The following ACAN variants were observed in gnomAD, a reference collection of about 807,000 sequenced individuals.
ACAN encodes aggrecan.
A neutral mutation model predicts 169.1 loss-of-function variants in ACAN; 47 were observed. That is an observed-to-expected ratio of 0.28 (90% CI 0.22 to 0.35). ACAN has a LOEUF of 0.35. ACAN is among the 10% of genes least tolerant of loss of function. The probability of loss-of-function intolerance (pLI) is 1.00; values close to 1 mark genes in which losing one functional copy is unlikely to be tolerated. For synonymous variants in ACAN, 1,115 were observed against 1,112.2 expected, an observed-to-expected ratio of 1.00 and a Z score of -0.05; for missense variants, 2,716 against 2,759.9, an observed-to-expected ratio of 0.98 and a Z score of 0.36.
intron 1 of ACAN, among the ~76,000 whole-genome samples, chr15:88,806,744 C>G (rs1191277880): frequency 6.6e-6 from 1 of 152,146 alleles, no homozygotes; most frequent in Non-Finnish European, 1.5e-5. Flanking sequence ...CCAAAGGAAG[C>G]CCATGAGACC....
chr15:88,808,146 C>T (rs543740136), intron 1 of ACAN, among the ~76,000 whole-genome samples: 18 of 152,278 alleles, frequency 1.2e-4, no homozygotes, highest in African/African-American at 3.8e-4. Context: ...GGGAGACAGC[C>T]TCCCTCAGCT....
intron 13 of ACAN, among the ~76,000 whole-genome samples, chr15:88,860,891 C>G (rs1897181405): frequency 1.3e-5 from 2 of 152,088 alleles, no homozygotes; most frequent in African/African-American, 4.8e-5. Flanking sequence ...GGGTTTGGGT[C>G]CCCTTCTTGC....
At chr15:88,831,235 G>A (rs1896354653) in intron 1 of ACAN, among the ~76,000 whole-genome samples, 1 of 152,246 alleles carries the variant, frequency 6.6e-6, no homozygotes, top group Non-Finnish European at 1.5e-5. Context: ...CTGGGAAGGG[G>A]TGACCCTGAT....
rs1369002995 is a variant in ACAN, at chr15:88,807,359, G to T, written c.-8+3550G>T. ...TTCCTCTCCTGCTGTCAACGGCCTGGCCTCGTGGCCATGCTTCGTGTCCTG... is the reference window on the plus strand; with the variant it reads ...TTCCTCTCCTGCTGTCAACGGCCTGTCCTCGTGGCCATGCTTCGTGTCCTG... On this transcript the variant is annotated intron_variant, in intron 1 of 18. Coordinates refer to ENST00000560601, the MANE Select transcript of ACAN (RefSeq NM_001369268.1). The surrounding 1 kb of genome is among the most constrained non-coding windows in gnomAD (Gnocchi z 4.0). Among the ~76,000 whole-genome samples the T allele has an allele frequency of 2.0e-5, 3 of 152,212 alleles. No individual in the cohort carries two copies. Among genetic ancestry groups the T allele is most frequent in the Non-Finnish European group, 4.4e-5 (3 of 68,032 alleles).
intron 1 of ACAN, among the ~76,000 whole-genome samples, chr15:88,806,090 G>C (rs1395028734): frequency 2.6e-5 from 4 of 152,212 alleles, no homozygotes; most frequent in African/African-American, 7.2e-5. Context: ...ACATGGCTTT[G>C]ATAAGGGTAC....
intron 11 of ACAN, among the ~76,000 whole-genome samples, chr15:88,853,828 G>T (rs922669320): frequency 4.8e-5 from 7 of 144,846 alleles, no homozygotes; most frequent in African/African-American, 1.8e-4. Context: ...AATCTTTTTC[G>T]GGTCCTGCCC....
chr15:88,840,081 G>A lies in ACAN; in HGVS notation c.524G>A (p.Cys175Tyr). ...TLDFDRAQRA[C>Y]LQNSAIIATP... ...GACTTTGACAGGGCGCAGCGGGCCT[G>A]CCTGCAGAACAGTGCCATCATTGCC... is the stretch of plus-strand genomic sequence containing the variant. The change falls in exon 4 of 19, where the codon TGC becomes TAC. Residue 175 changes from cysteine (C) to tyrosine (Y), a missense_variant. By Grantham distance (194) the Cys-to-Tyr change is radical. Transcript: ENST00000560601. 1.2e-6 allele frequency: 2 copies of A among 1,603,750 alleles called. No individual in the cohort carries two copies. The highest frequency in any genetic ancestry group is 1.3e-5 in the African/African-American group (1 of 74,908).
At chr15:88,841,687 T>C in intron 4 of ACAN, 53 bp from the exon 5 acceptor site, 1 of 1,609,266 alleles carries the variant, frequency 6.2e-7, no homozygotes, top group Non-Finnish European at 8.5e-7. Context: ...GCAGAGGCCA[T>C]GGGCTTCCCT....
At position 88,855,124 on chromosome 15, in the gene ACAN, C is replaced by A. The variant is rs372267862; in HGVS notation, c.2539C>A (p.Pro847Thr). ...ASEEPYTPSPPVPSWTELPSS... is the reference protein window; with the variant it reads ...ASEEPYTPSPTVPSWTELPSS... ...GGAAGAGCCGTATACACCTTCACCCCCCGTGCCCAGCTGGACTGAGCTGCC... is the reference window on the plus strand; with the variant it reads ...GGAAGAGCCGTATACACCTTCACCCACCGTGCCCAGCTGGACTGAGCTGCC... The change falls in exon 12 of 19, where the codon CCC becomes ACC. Residue 847 changes from proline (P) to threonine (T), a missense_variant. Pro to Thr is a conservative substitution (Grantham distance 38). Coordinates refer to ENST00000560601, the MANE Select transcript of ACAN (RefSeq NM_001369268.1). 6 of 1,607,414 alleles carry A rather than the reference C, an allele frequency of 3.7e-6. No individual in the cohort carries two copies. The highest frequency in any genetic ancestry group is 1.1e-5 in the South Asian group (1 of 90,074).
intron 1 of ACAN, among the ~76,000 whole-genome samples, chr15:88,834,433 C>G (rs1433192075): frequency 6.6e-6 from 1 of 152,224 alleles, no homozygotes; most frequent in East Asian, 1.9e-4. Context: ...CCTCCTGAGC[C>G]TAGGGACTCC....
At position 88,851,743 on chromosome 15, in the gene ACAN, C is replaced by A. The variant is rs753418623; in HGVS notation, c.2027-51C>A. ...CCCCTCAAGAAGGGCCAGCCAAGGA[C>A]GGGTCACTGGTAAGAGAGGGACTCA... On this transcript the variant is annotated intron_variant, in intron 10 of 18. Transcript: ENST00000560601. This position sits in a 1 kb window ranked among gnomAD's most constrained non-coding sequence, Gnocchi z 4.3. 6.6e-7 allele frequency: 1 copy of A among 1,507,966 alleles called. No individual in the cohort carries two copies. The highest frequency in any genetic ancestry group is 1.4e-5 in the African/African-American group (1 of 72,552). The allele number at this position is 1,507,966 out of a possible 1,614,324, so 93.4% of individuals were successfully genotyped here. A position where few individuals can be genotyped will look rare whatever the true frequency, so the allele number is the denominator to read the frequency against.
chr15:88,836,084 G>GAT lies in ACAN; in HGVS notation c.-7-115_-7-114dup, dbSNP rs1896495295. ...ACCACGTGCAGCCTCCTTCTCTGGA[G>GAT]ATGATTCCAGGTCCTTGGGTGTGGA... On this transcript the variant is annotated intron_variant, in intron 1 of 18. Transcript: ENST00000560601. The GAT allele has an allele frequency of 4.3e-6, 3 of 694,118 alleles. No homozygotes were observed. The Admixed American group carries it at 7.5e-5, about 17-fold the overall frequency. The allele number at this position is 694,118 out of a possible 1,614,324, so 43.0% of individuals were successfully genotyped here.
At position 88,849,371 on chromosome 15, in the gene ACAN, G is replaced by A; in HGVS notation, c.1733-67G>A. The A allele has an allele frequency of 7.0e-7, 1 of 1,433,402 alleles. No homozygotes were observed. 88.8% of individuals were successfully genotyped at this position (1,433,402 alleles called of 1,614,324 possible). On this transcript the variant is annotated intron_variant, in intron 9 of 18. Transcript: ENST00000560601. The surrounding 1 kb of genome is among the most constrained non-coding windows in gnomAD (Gnocchi z 5.1). ...GGAGGGTTAGAGGAACTCTGTCCTG[G>A]GTGGGCAGGGATGGACCTGGCCTGA... is the stretch of plus-strand genomic sequence containing the variant.
Position 88,868,459 on chromosome 15 carries a change from A to G in ACAN, c.7060+130A>G. 1 of 581,758 alleles carries G rather than the reference A, an allele frequency of 1.7e-6. No homozygotes were observed. The highest frequency in any genetic ancestry group is 3.1e-6 in the Non-Finnish European group (1 of 327,578). The allele number at this position is 581,758 out of a possible 1,614,324, so 36.0% of individuals were successfully genotyped here. A position where few individuals can be genotyped will look rare whatever the true frequency, so the allele number is the denominator to read the frequency against. On this transcript the variant is annotated intron_variant, in intron 14 of 18. Transcript: ENST00000560601. The surrounding 1 kb of genome is among the most constrained non-coding windows in gnomAD (Gnocchi z 5.2). ...CGAGGTTCATCTGGAGAGCCATTTC[A>G]GGGGCCACAACTGAAAATTCTGCCC...
chr15:88,820,365 G>T (rs12592799), intron 1 of ACAN, among the ~76,000 whole-genome samples: 47,370 of 151,918 alleles, frequency 0.31, 8,398 homozygotes, highest in East Asian at 0.56. Flanking sequence ...CACCACCAAA[G>T]ATCGTGAGGA....
At chr15:88,809,252 G>A (rs890055419) in intron 1 of ACAN, among the ~76,000 whole-genome samples, 2 of 152,138 alleles carry the variant, frequency 1.3e-5, no homozygotes, top group Admixed American at 1.3e-4. Context: ...TGGGGGAGGG[G>A]CAGTGGGTGG....
chr15:88,815,646 C>T (rs2351492), intron 1 of ACAN, among the ~76,000 whole-genome samples: 1 of 82,728 alleles, frequency 1.2e-5, no homozygotes, highest in African/African-American at 4.7e-5. Flanking sequence ...ATGAAATGTT[C>T]TGCACTGATT....
rs1459503268 is a variant in ACAN at position 88,871,226 on chromosome 15, T to C, written c.7061-156T>C. Among the ~76,000 whole-genome samples, 4 of 152,092 alleles carry C rather than the reference T, an allele frequency of 2.6e-5. No individual in the cohort carries two copies. In the East Asian group the frequency reaches 7.7e-4, roughly 29 times the overall value. The stretch of plus-strand genomic sequence containing the variant: ...GAGGCTCCCAGGGACCAGACCAGTT[T>C]CCAACCTGAACTCCTCCAGCTGTGC... On this transcript the variant is annotated intron_variant, in intron 14 of 18. Transcript: ENST00000560601. This position sits in a 1 kb window ranked among gnomAD's most constrained non-coding sequence, Gnocchi z 7.8.
At chr15:88,833,757 T>G (rs1365068105) in intron 1 of ACAN, among the ~76,000 whole-genome samples, 2 of 136,688 alleles carry the variant, frequency 1.5e-5, no homozygotes, top group South Asian at 2.4e-4. Context: ...CTCTTTTCAT[T>G]CCTTCCCATT....
Sources: allele counts gnomAD v4.1 joint callset (sites outside exome capture counted in the v4.1 genomes callset), GRCh38; gene constraint gnomAD v4.1.1; non-coding constraint Gnocchi (gnomAD v3.1); transcripts MANE v1.5; gene names NCBI Gene and HGNC (gene_info 2026-07-23, HGNC 2026-07-21).